Variants in LPAR3 observed in about 807,000 individuals in gnomAD.
LPAR3 encodes the protein LPA receptor 3.
A neutral mutation model predicts 17.8 loss-of-function variants in LPAR3; 7 were observed. The observed-to-expected ratio is 0.39, with a 90% confidence interval of 0.22 to 0.74. LPAR3 has a LOEUF of 0.74. Ranked by LOEUF, LPAR3 falls within the 30% of genes least tolerant of loss-of-function variation. The pLI, the probability that LPAR3 is intolerant of heterozygous loss-of-function variation, is 0.40. For missense variants in LPAR3, 391 were observed against 453.4 expected (o/e 0.86, Z 1.25); for synonymous variants, 179 against 179.9 (o/e 0.99, Z 0.04).
intron 2 of LPAR3, among the ~76,000 whole-genome samples, chr1:84,849,372 C>CAAAAAAAAA (rs34239236): frequency 2.3e-4 from 18 of 77,292 alleles, no homozygotes; most frequent in South Asian, 6.2e-4. Context: ...AGACTCATCT[C>CAAAAAAAAA]AAAAAAAAAA....
chr1:84,883,724 T>G lies in LPAR3; in HGVS notation c.-19+9292A>C, dbSNP rs547536385. ...CTTCTGGCCCAGGGATTTTTTTGTT[T>G]TTTTTTTTTTTAAACAATACTGACC... On this transcript the variant is annotated intron_variant, in intron 1 of 2. Coordinates refer to ENST00000370611, the MANE Select transcript of LPAR3 (RefSeq NM_012152.3). 8.8e-4 allele frequency among the ~76,000 whole-genome samples: 134 copies of G among 151,842 alleles called. 2 individuals carry two copies. The highest frequency in any genetic ancestry group is 3.1e-3 in the African/African-American group (127 of 41,474).
At chr1:84,857,056 C>T (rs961282908) in intron 2 of LPAR3, among the ~76,000 whole-genome samples, 2 of 152,112 alleles carry the variant, frequency 1.3e-5, no homozygotes, top group Non-Finnish European at 2.9e-5. Context: ...CATTTGCCAT[C>T]TGTCAAGGCA....
intron 2 of LPAR3, among the ~76,000 whole-genome samples, chr1:84,850,393 C>CAAAAAAA (rs561506398): frequency 2.3e-3 from 89 of 38,152 alleles, no homozygotes; most frequent in Non-Finnish European, 3.1e-3. Context: ...TCTGTCTCTA[C>CAAAAAAA]AAAAAAAAAA....
At chr1:84,889,019 T>C (rs1660506614) in intron 1 of LPAR3, among the ~76,000 whole-genome samples, 1 of 151,884 alleles carries the variant, frequency 6.6e-6, no homozygotes, top group Non-Finnish European at 1.5e-5. Context: ...GGTGACAGAA[T>C]CATGGGAGTA....
At chr1:84,830,046 GAAGGCAATGACATCTCAGAAGAAAGA>G in intron 2 of LPAR3, among the ~76,000 whole-genome samples, 1 of 152,294 alleles carries the variant, frequency 6.6e-6, no homozygotes, top group Admixed American at 6.5e-5. Context: ...AAATCTGACT[GAAGGCAATGACATCTCAGAAGAAAGA>G]ATGTCACCGG....
intron 2 of LPAR3, among the ~76,000 whole-genome samples, chr1:84,820,861 A>G (rs1659039137): frequency 6.6e-6 from 1 of 152,190 alleles, no homozygotes; most frequent in African/African-American, 2.4e-5. Context: ...TTGCTAGATC[A>G]AAGTTTTTCC....
At chr1:84,879,704 T>A (rs1660327564) in intron 1 of LPAR3, among the ~76,000 whole-genome samples, 1 of 152,196 alleles carries the variant, frequency 6.6e-6, no homozygotes, top group Non-Finnish European at 1.5e-5. Flanking sequence ...GGTACCTCCT[T>A]GCAGCTAGGG....
intron 1 of LPAR3, among the ~76,000 whole-genome samples, chr1:84,870,398 C>T (rs17116749): frequency 6.6e-6 from 1 of 152,228 alleles, no homozygotes; most frequent in African/African-American, 2.4e-5. Context: ...TCTACAGGAT[C>T]AGTATTTGTT....
At chr1:84,834,609 T>C (rs192329876) in intron 2 of LPAR3, among the ~76,000 whole-genome samples, 1 of 152,338 alleles carries the variant, frequency 6.6e-6, no homozygotes, top group East Asian at 1.9e-4. Context: ...CTTTTCTTTG[T>C]ATGTGTGTAC....
At chr1:84,823,287 T>C (rs1659092168) in intron 2 of LPAR3, among the ~76,000 whole-genome samples, 1 of 152,204 alleles carries the variant, frequency 6.6e-6, no homozygotes, top group Non-Finnish European at 1.5e-5. Flanking sequence ...AAATTAACAC[T>C]TTCAGATGTG....
intron 2 of LPAR3, among the ~76,000 whole-genome samples, chr1:84,833,845 A>G (rs1375503967): frequency 3.3e-5 from 5 of 152,236 alleles, no homozygotes; most frequent in African/African-American, 4.8e-5. Context: ...TCTGTCAGCC[A>G]TTCTTGCTGT....
intron 1 of LPAR3, among the ~76,000 whole-genome samples, chr1:84,890,357 C>G (rs1235913073): frequency 6.6e-6 from 1 of 152,228 alleles, no homozygotes; most frequent in Admixed American, 6.5e-5. Context: ...CATGTTTACA[C>G]AAGTGTTAAT....
chr1:84,883,476 G>A (rs1173816020), intron 1 of LPAR3, among the ~76,000 whole-genome samples: 1 of 152,178 alleles, frequency 6.6e-6, no homozygotes, highest in African/African-American at 2.4e-5. Flanking sequence ...AAAACCTAAT[G>A]TTTAACATTC....
At chr1:84,873,498 T>C (rs1205407650) in intron 1 of LPAR3, among the ~76,000 whole-genome samples, 1 of 152,200 alleles carries the variant, frequency 6.6e-6, no homozygotes, top group Non-Finnish European at 1.5e-5. Context: ...TATGGTAAAA[T>C]AAACAGAGGA....
chr1:84,885,613 G>T (rs35950589), intron 1 of LPAR3, among the ~76,000 whole-genome samples: 55,435 of 152,046 alleles, frequency 0.36, 12,799 homozygotes, highest in Non-Finnish European at 0.52. Context: ...CGTGAGGCTG[G>T]GGAGTTTGGG....
At chr1:84,836,210 C>T (rs12047733) in intron 2 of LPAR3, among the ~76,000 whole-genome samples, 76,773 of 150,554 alleles carry the variant, frequency 0.51, 20,250 homozygotes, top group African/African-American at 0.65. Flanking sequence ...TGGTGGCACA[C>T]GCCTGTAGTT....
At chr1:84,887,439 T>C (rs947000165) in intron 1 of LPAR3, among the ~76,000 whole-genome samples, 1 of 151,582 alleles carries the variant, frequency 6.6e-6, no homozygotes, top group Non-Finnish European at 1.5e-5. Context: ...CAGGCAGACG[T>C]CATCAATAAA....
chr1:84,889,044 G>C (rs910747460), intron 1 of LPAR3, among the ~76,000 whole-genome samples: 1 of 152,066 alleles, frequency 6.6e-6, no homozygotes, highest in African/African-American at 2.4e-5. Flanking sequence ...AGTATCAGGG[G>C]TCATGGGCAA....
chr1:84,841,701 C>T (rs1570874749), intron 2 of LPAR3, among the ~76,000 whole-genome samples: 1 of 152,318 alleles, frequency 6.6e-6, no homozygotes, highest in East Asian at 1.9e-4. Context: ...TACACAAACA[C>T]ATATCCTCCA....
Sources: allele counts gnomAD v4.1 joint callset (sites outside exome capture counted in the v4.1 genomes callset), GRCh38; gene constraint gnomAD v4.1.1; transcripts MANE v1.5; gene names NCBI Gene and HGNC (gene_info 2026-07-23, HGNC 2026-07-21).